Variants in ARID5B observed in about 807,000 individuals in gnomAD.
The protein encoded by ARID5B is AT-rich interactive domain-containing protein 5B.
In ARID5B, 13 loss-of-function variants were observed where a neutral mutation model predicts 97.2. The ratio of observed to expected loss-of-function variants is 0.13; its 90% CI spans 0.09 to 0.21. The LOEUF (loss-of-function observed/expected upper bound fraction) is 0.21. ARID5B is among the 10% of genes least tolerant of loss of function. The pLI is 1.00. For synonymous variants in ARID5B, 556 were observed against 570.3 expected, an observed-to-expected ratio of 0.97 and a Z score of 0.36; for missense variants, 1,210 against 1,465.3, an observed-to-expected ratio of 0.83 and a Z score of 2.84.
In ARID5B at chr10:61,940,389, C is replaced by T. The variant is rs568931015; in HGVS notation, c.483C>T (p.Leu161=). ...GTGGACTCAACTTCAAAGACGTTCT[C>T]AAGGAGAAGGCAGACCTGGGTAAAT... ...LNSGLNFKDV[L]KEKADLGEDE... The change falls in exon 3 of 10, where the codon CTC becomes CTT. Residue 161 remains leucine, a synonymous_variant. Coordinates refer to ENST00000279873, the MANE Select transcript of ARID5B (RefSeq NM_032199.3). 2 of 1,613,448 alleles carry T rather than the reference C, an allele frequency of 1.2e-6. No individual in the cohort carries two copies. The highest frequency in any genetic ancestry group is 2.7e-5 in the African/African-American group (2 of 74,992).
intron 4 of ARID5B, among the ~76,000 whole-genome samples, chr10:62,015,578 C>T (rs1024373638): frequency 3.3e-5 from 5 of 152,130 alleles, no homozygotes; most frequent in Admixed American, 1.3e-4. Context: ...AATTCACCTG[C>T]GTAGTCTTTG....
At chr10:62,035,244 C>A (rs1839547121) in intron 4 of ARID5B, among the ~76,000 whole-genome samples, 1 of 152,200 alleles carries the variant, frequency 6.6e-6, no homozygotes, top group Non-Finnish European at 1.5e-5. Flanking sequence ...GTGGGATGAG[C>A]AGTCAGTGCA....
chr10:62,075,572 C>A (rs1464664127), intron 8 of ARID5B, among the ~76,000 whole-genome samples: 1 of 152,226 alleles, frequency 6.6e-6, no homozygotes, highest in Admixed American at 6.5e-5. Context: ...GGACGACTCG[C>A]CACATGTCTG....
intron 3 of ARID5B, among the ~76,000 whole-genome samples, chr10:61,960,413 A>G (rs1339214816): frequency 6.6e-6 from 1 of 152,206 alleles, no homozygotes; most frequent in Non-Finnish European, 1.5e-5. Flanking sequence ...TTTTCATAAA[A>G]TGAGACTTGC....
chr10:62,065,091 A>G (rs1240438468), intron 7 of ARID5B, among the ~76,000 whole-genome samples: 2 of 152,122 alleles, frequency 1.3e-5, no homozygotes, highest in East Asian at 3.8e-4. Flanking sequence ...ACGGTTTGAA[A>G]CCCACTATAT....
chr10:61,952,821 G>A (rs370794759), intron 3 of ARID5B, among the ~76,000 whole-genome samples: 1 of 151,766 alleles, frequency 6.6e-6, no homozygotes, highest in East Asian at 1.9e-4. Flanking sequence ...CTGCTAGCCT[G>A]AGGATTGTAG....
intron 3 of ARID5B, among the ~76,000 whole-genome samples, chr10:61,976,858 CT>C (rs11332367): frequency 0.69 from 100,251 of 145,232 alleles, 34,544 homozygotes; most frequent in African/African-American, 0.81. Flanking sequence ...AACTTTCTTT[CT>C]TTTTTTTTTT....
At chr10:61,906,031 A>G (rs544247351) in intron 2 of ARID5B, among the ~76,000 whole-genome samples, 13 of 152,328 alleles carry the variant, frequency 8.5e-5, no homozygotes, top group East Asian at 5.8e-4. Flanking sequence ...TTGAACAACC[A>G]TAAGTACTTG....
intron 3 of ARID5B, among the ~76,000 whole-genome samples, chr10:61,983,687 C>T (rs1207788349): frequency 1.3e-5 from 2 of 151,414 alleles, no homozygotes; most frequent in Admixed American, 6.6e-5. Context: ...AGAGAGATCT[C>T]GGCTGCTGAC....
chr10:62,060,574 G>A (rs892795440), intron 7 of ARID5B, among the ~76,000 whole-genome samples: 1 of 152,070 alleles, frequency 6.6e-6, no homozygotes, highest in African/African-American at 2.4e-5. Context: ...ATAGGATCAG[G>A]ATATGAACTC....
At chr10:61,980,698 T>C (rs1838765288) in intron 3 of ARID5B, among the ~76,000 whole-genome samples, 1 of 152,202 alleles carries the variant, frequency 6.6e-6, no homozygotes, top group African/African-American at 2.4e-5. Context: ...GTTGCTGTGC[T>C]CAGTAAATAT....
rs910362622 is a variant in ARID5B at position 62,000,737 on chromosome 10, GATAA to G, written c.733+420_733+423del. Among the ~76,000 whole-genome samples, 1 of 151,966 alleles carries G rather than the reference GATAA, an allele frequency of 6.6e-6. No individual in the cohort carries two copies. Among genetic ancestry groups the G allele is most frequent in the African/African-American group, 2.4e-5 (1 of 41,380 alleles). ...CCACTTCAGTAGTAAACAGTGAATA[GATAA>G]ATAGATAGAAAGAAAACAACTTCAG... On this transcript the variant is annotated intron_variant, in intron 4 of 9. Coordinates refer to ENST00000279873, the MANE Select transcript of ARID5B (RefSeq NM_032199.3). This position sits in a 1 kb window ranked among gnomAD's most constrained non-coding sequence, Gnocchi z 4.4.
chr10:62,042,397 G>A (rs1839649216), intron 4 of ARID5B, among the ~76,000 whole-genome samples: 1 of 152,208 alleles, frequency 6.6e-6, no homozygotes, highest in Non-Finnish European at 1.5e-5. Context: ...AGGTAAATGT[G>A]AAAGTGGGAG....
rs7072304 is a variant in ARID5B at position 62,040,137 on chromosome 10, A to T, written c.734-10751A>T. On this transcript the variant is annotated intron_variant, in intron 4 of 9. Coordinates refer to ENST00000279873, the MANE Select transcript of ARID5B (RefSeq NM_032199.3). ...CTAGTTCCTTCCCCTCTCTCTCTCC[A>T]TTCTCACTCTCTCTCTCTTTCTGTC... Among the ~76,000 whole-genome samples, 24 of 152,292 alleles carry T rather than the reference A, an allele frequency of 1.6e-4. 1 individual carries two copies. The South Asian group carries it at 4.4e-3, about 28-fold the overall frequency.
intron 5 of ARID5B, among the ~76,000 whole-genome samples, chr10:62,054,474 A>T (rs992516073): frequency 6.6e-6 from 1 of 152,184 alleles, no homozygotes; most frequent in Non-Finnish European, 1.5e-5. Context: ...TGGCCTCCCC[A>T]GGAGCAGCAT....
At chr10:61,961,523 C>T (rs1189384906) in intron 3 of ARID5B, among the ~76,000 whole-genome samples, 2 of 152,196 alleles carry the variant, frequency 1.3e-5, no homozygotes, top group African/African-American at 4.8e-5. Context: ...AGAAGTGTAA[C>T]TGCCACACAG....
intron 4 of ARID5B, among the ~76,000 whole-genome samples, chr10:62,026,692 G>T (rs1839424940): frequency 1.3e-5 from 2 of 152,176 alleles, no homozygotes; most frequent in Non-Finnish European, 2.9e-5. Context: ...GGATCGTCAA[G>T]TTGAGTCAGG....
intron 3 of ARID5B, among the ~76,000 whole-genome samples, 160 bp downstream of exon 3, chr10:61,940,568 G>A (rs1589227441): frequency 6.6e-6 from 1 of 152,098 alleles, no homozygotes; most frequent in Admixed American, 6.6e-5. Context: ...TGACTGGATG[G>A]GTAAGGGATG....
intron 5 of ARID5B, among the ~76,000 whole-genome samples, chr10:62,053,432 A>G (rs925254235): frequency 5.9e-5 from 9 of 152,230 alleles, no homozygotes; most frequent in Non-Finnish European, 1.3e-4. Flanking sequence ...CCAGCTTTGC[A>G]AGACCATGTT....
Sources: gnomAD v4.1 joint callset for allele counts (sites outside exome capture counted in the v4.1 genomes callset) on GRCh38, gnomAD v4.1.1 for gene constraint, Gnocchi (gnomAD v3.1) non-coding constraint, MANE v1.5 for transcripts, NCBI Gene and HGNC (gene_info 2026-07-23, HGNC 2026-07-21) for gene names.